The following ZNF536 variants were observed in gnomAD, a reference collection of about 807,000 sequenced individuals.
ZNF536 encodes the protein zinc finger protein 536.
A neutral mutation model predicts 84.5 loss-of-function variants in ZNF536; 13 were observed. That is an observed-to-expected ratio of 0.15 (90% CI 0.10 to 0.24). The LOEUF (loss-of-function observed/expected upper bound fraction) is 0.24. Among genes scored for constraint, ZNF536 ranks in the 10% least tolerant of loss-of-function variants. The pLI, the probability that ZNF536 is intolerant of heterozygous loss-of-function variation, is 1.00. For synonymous variants in ZNF536, 811 were observed against 742.5 expected (o/e 1.09, Z -1.50); for missense variants, 1,536 against 1,747.5 (o/e 0.88, Z 2.16).
At chr19:30,697,268 A>G (rs4805599) in intron 1 of ZNF536, among the ~76,000 whole-genome samples, 54,806 of 151,944 alleles carry the variant, frequency 0.36, 10,248 homozygotes, top group East Asian at 0.57. Flanking sequence ...CTCAACACCT[A>G]GGGATCGCAA....
intron 2 of ZNF536, among the ~76,000 whole-genome samples, chr19:30,350,639 A>G (rs2047902617): frequency 6.6e-6 from 1 of 152,230 alleles, no homozygotes; most frequent in Non-Finnish European, 1.5e-5. Flanking sequence ...TAAGCATCAT[A>G]AAATCTAATC....
In ZNF536 at chr19:30,613,576, G is replaced by A. The variant is rs538726717; in HGVS notation, c.169+64062G>A. On this transcript the variant is annotated intron_variant, in intron 1 of 1. Transcript: ENST00000592773. ...ATTGTCTCAGATTTGGCAATTGGGA[G>A]CATCTTCTTCAAATTTGGTATGCCT... is the stretch of plus-strand genomic sequence containing the variant. 7.1e-4 allele frequency among the ~76,000 whole-genome samples: 108 copies of A among 152,276 alleles called. 1 individual carries two copies. The South Asian group carries it at 0.017, about 24-fold the overall frequency.
At chr19:30,423,838 G>A (rs1308423416) in intron 1 of ZNF536, among the ~76,000 whole-genome samples, 1 of 152,142 alleles carries the variant, frequency 6.6e-6, no homozygotes, top group East Asian at 1.9e-4. Flanking sequence ...AAGGACGTCA[G>A]GGAGGTGGGG....
intron 2 of ZNF536, among the ~76,000 whole-genome samples, chr19:30,304,852 C>T (rs1300116715): frequency 6.6e-6 from 1 of 152,200 alleles, no homozygotes; most frequent in African/African-American, 2.4e-5. Context: ...TGGACCAGCC[C>T]AAGTTCTCAT....
intron 1 of ZNF536, among the ~76,000 whole-genome samples, chr19:30,440,143 TAG>T (rs1418307718): frequency 2.6e-5 from 4 of 151,836 alleles, no homozygotes; most frequent in Non-Finnish European, 1.5e-5. Flanking sequence ...GTATTTTTAG[TAG>T]AGACGAAGTT....
At chr19:30,321,427 A>C (rs2046851203) in intron 2 of ZNF536, among the ~76,000 whole-genome samples, 1 of 152,106 alleles carries the variant, frequency 6.6e-6, no homozygotes, top group Non-Finnish European at 1.5e-5. Context: ...GCATGGTGAC[A>C]TGTGCCTGTA....
At chr19:30,604,680 C>G (rs1228722296) in intron 1 of ZNF536, among the ~76,000 whole-genome samples, 1 of 152,130 alleles carries the variant, frequency 6.6e-6, no homozygotes, top group African/African-American at 2.4e-5. Flanking sequence ...GTCAATAAAA[C>G]TTGTCAACAA....
At chr19:30,499,819 T>C (rs1441604207) in intron 2 of ZNF536, among the ~76,000 whole-genome samples, 1 of 152,166 alleles carries the variant, frequency 6.6e-6, no homozygotes, top group East Asian at 1.9e-4. Flanking sequence ...GGTTAACTCT[T>C]ATCCAGCAAG....
chr19:30,515,959 G>A (rs1377221583), intron 2 of ZNF536, among the ~76,000 whole-genome samples: 7 of 149,920 alleles, frequency 4.7e-5, no homozygotes, highest in African/African-American at 1.0e-4. Flanking sequence ...CCCAGGAGGC[G>A]GAGGTTGTAG....
chr19:30,305,350 C>A (rs1401842507), intron 2 of ZNF536, among the ~76,000 whole-genome samples: 1 of 152,154 alleles, frequency 6.6e-6, no homozygotes, highest in Non-Finnish European at 1.5e-5. Context: ...GCTCAGTTTC[C>A]CCAATTGTAC....
intron 4 of ZNF536, among the ~76,000 whole-genome samples, chr19:30,552,005 C>A (rs1416132698): frequency 3.9e-5 from 6 of 152,084 alleles, no homozygotes; most frequent in Non-Finnish European, 8.8e-5. Context: ...AAGTTACAAC[C>A]TAGGAGGAAC....
At chr19:30,710,339 C>T (rs1028809946) in intron 1 of ZNF536, among the ~76,000 whole-genome samples, 2 of 152,118 alleles carry the variant, frequency 1.3e-5, no homozygotes, top group African/African-American at 4.8e-5. Flanking sequence ...GGCAGGAGCT[C>T]GAGACCAGCC....
chr19:30,484,910 G>C (rs181230596), intron 2 of ZNF536, among the ~76,000 whole-genome samples: 1 of 151,956 alleles, frequency 6.6e-6, no homozygotes, highest in African/African-American at 2.4e-5. Flanking sequence ...TTGGGAGGCC[G>C]AGGAGGGTGG....
intron 1 of ZNF536, among the ~76,000 whole-genome samples, chr19:30,674,405 C>T (rs1158904707): frequency 6.6e-6 from 1 of 152,208 alleles, no homozygotes; most frequent in Non-Finnish European, 1.5e-5. Context: ...AAAGACTCTT[C>T]TCTTGTGGAC....
chr19:30,461,934 C>T (rs909631870), intron 2 of ZNF536, among the ~76,000 whole-genome samples: 1 of 152,204 alleles, frequency 6.6e-6, no homozygotes, highest in African/African-American at 2.4e-5. Flanking sequence ...TCTCCACCCC[C>T]ACCCCTTCTC....
chr19:30,503,395 A>T (rs1003914571), intron 2 of ZNF536, among the ~76,000 whole-genome samples: 1 of 152,358 alleles, frequency 6.6e-6, no homozygotes, highest in African/African-American at 2.4e-5. Context: ...ATAATCAAAG[A>T]ACAGTAATGG....
chr19:30,509,905 C>T (rs925981126), intron 2 of ZNF536, among the ~76,000 whole-genome samples: 13 of 152,192 alleles, frequency 8.5e-5, no homozygotes, highest in African/African-American at 2.9e-4. Flanking sequence ...TGGTGAAATT[C>T]CATGTTCCTG....
At chr19:30,422,265 A>G (rs534097909) in intron 1 of ZNF536, among the ~76,000 whole-genome samples, 73 of 152,276 alleles carry the variant, frequency 4.8e-4, no homozygotes, top group Non-Finnish European at 9.1e-4. Flanking sequence ...GACAAGACAT[A>G]TTGACCTAAG....
chr19:30,641,815 G>A (rs1002480850), intron 1 of ZNF536, among the ~76,000 whole-genome samples: 26 of 151,046 alleles, frequency 1.7e-4, no homozygotes, highest in African/African-American at 6.1e-4. Flanking sequence ...TCTTGGCCGG[G>A]ATGTAATGCC....
Sources: allele counts gnomAD v4.1 joint callset (sites outside exome capture counted in the v4.1 genomes callset), GRCh38; gene constraint gnomAD v4.1.1; transcripts MANE v1.5; gene names NCBI Gene and HGNC (gene_info 2026-07-23, HGNC 2026-07-21).